TBC1D1: variants seen among roughly 807,000 people sequenced by gnomAD.
TBC1D1 encodes the protein TBC1 (tre-2/USP6, BUB2, cdc16) domain family, member 1.
In TBC1D1, 89 loss-of-function variants were observed where a neutral mutation model predicts 125.6. The ratio of observed to expected loss-of-function variants is 0.71; its 90% CI spans 0.60 to 0.85. TBC1D1 has a LOEUF of 0.85. TBC1D1 is among the 40% of genes least tolerant of loss of function. TBC1D1 has a pLI of 0.00. For missense variants in TBC1D1, 1,377 were observed against 1,469.2 expected (o/e 0.94, Z 1.03); for synonymous variants, 565 against 564.1 (o/e 1.00, Z -0.02).
At chr4:37,944,211 G>T (rs1014998773) in intron 2 of TBC1D1, among the ~76,000 whole-genome samples, 20 of 152,168 alleles carry the variant, frequency 1.3e-4, no homozygotes, top group African/African-American at 4.8e-4. Flanking sequence ...GTCTCAGAGG[G>T]GTACCCAGCC....
chr4:38,048,932 TAAAAC>T (rs1385514117), intron 10 of TBC1D1, among the ~76,000 whole-genome samples: 1 of 152,190 alleles, frequency 6.6e-6, no homozygotes. Context: ...GCATACCTAA[TAAAAC>T]AATAACTTAT....
chr4:38,077,804 G>A (rs1755855768), intron 12 of TBC1D1, among the ~76,000 whole-genome samples: 1 of 152,072 alleles, frequency 6.6e-6, no homozygotes, highest in Non-Finnish European at 1.5e-5. Context: ...TCAAGTGCTG[G>A]CATTGCACTC....
intron 2 of TBC1D1, among the ~76,000 whole-genome samples, chr4:37,961,855 C>G (rs926038241): frequency 5.3e-5 from 8 of 152,220 alleles, no homozygotes; most frequent in African/African-American, 1.9e-4. Context: ...GCTGTCAGAA[C>G]TGACCTCCAA....
chr4:38,134,849 C>T (rs1031245018), intron 19 of TBC1D1, among the ~76,000 whole-genome samples: 4 of 152,178 alleles, frequency 2.6e-5, no homozygotes, highest in Non-Finnish European at 5.9e-5. Flanking sequence ...CTGGAATGGT[C>T]GTTCTCTTGA....
At chr4:38,006,679 C>G (rs527412515) in intron 2 of TBC1D1, 54 of 268,826 alleles carry the variant, frequency 2.0e-4, no homozygotes, top group Admixed American at 6.6e-4. Flanking sequence ...TGGGGTTTCA[C>G]CATGTTAGCC....
chr4:37,976,506 T>C (rs1733106150), intron 2 of TBC1D1, among the ~76,000 whole-genome samples: 1 of 152,240 alleles, frequency 6.6e-6, no homozygotes, highest in Non-Finnish European at 1.5e-5. Flanking sequence ...AATGTCCCAA[T>C]GGTCCTTCAA....
intron 3 of TBC1D1, among the ~76,000 whole-genome samples, chr4:38,015,551 GGTTCCT>G (rs1386209141): frequency 1.3e-5 from 2 of 152,058 alleles, no homozygotes; most frequent in Non-Finnish European, 2.9e-5. Flanking sequence ...AGGTGGGTGG[GGTTCCT>G]GGTTCCATGC....
intron 15 of TBC1D1, 78 bp from the exon 18 acceptor site, chr4:38,115,632 A>G: frequency 6.7e-7 from 1 of 1,488,954 alleles, no homozygotes. Flanking sequence ...GCTTAATCTG[A>G]AGCACATTGG....
chr4:37,897,131 A>G (rs1460735617), intron 1 of TBC1D1, among the ~76,000 whole-genome samples: 1 of 152,200 alleles, frequency 6.6e-6, no homozygotes, highest in Non-Finnish European at 1.5e-5. Flanking sequence ...GGGCTTAAAG[A>G]ATGGTCAAAG....
intron 2 of TBC1D1, chr4:38,006,776 G>A (rs1578240556): frequency 4.1e-6 from 2 of 483,240 alleles, no homozygotes; most frequent in South Asian, 1.5e-5. Flanking sequence ...ACTGCGCCTG[G>A]CCCAACACTA....
intron 18 of TBC1D1, among the ~76,000 whole-genome samples, chr4:38,128,850 AT>A (rs962436668): frequency 6.6e-6 from 1 of 152,228 alleles, no homozygotes; most frequent in Non-Finnish European, 1.5e-5. Flanking sequence ...TTTGGGAATA[AT>A]TAGTAACAAA....
intron 2 of TBC1D1, among the ~76,000 whole-genome samples, chr4:37,962,674 A>G (rs1038602571): frequency 1.3e-5 from 2 of 152,238 alleles, no homozygotes; most frequent in African/African-American, 4.8e-5. Flanking sequence ...AAAGAGGTTT[A>G]GCTATATGGT....
At position 37,977,484 on chromosome 4, in the gene TBC1D1, C is replaced by A; in HGVS notation, c.418-37025C>A. ...GAGCGGGAGCCGGCGGGCGAAGAGC[C>A]GCCGCCCGGCCCGCGATGTCACCAT... On this transcript the variant is annotated intron_variant, in intron 2 of 19. Transcript: ENST00000261439. The surrounding 1 kb of genome is among the most constrained non-coding windows in gnomAD (Gnocchi z 4.3). 1 of 989,116 alleles carries A rather than the reference C, an allele frequency of 1.0e-6. No individual in the cohort carries two copies. Among genetic ancestry groups the A allele is most frequent in the Non-Finnish European group, 1.2e-6 (1 of 827,704 alleles). The allele number at this position is 989,116 out of a possible 1,614,324, so 61.3% of individuals were successfully genotyped here. A position where few individuals can be genotyped will look rare whatever the true frequency, so the allele number is the denominator to read the frequency against.
chr4:37,995,641 AC>A lies in TBC1D1; in HGVS notation c.418-18866del, dbSNP rs1737641032. 2.0e-6 allele frequency: 1 copy of A among 506,788 alleles called. No individual in the cohort carries two copies. Among genetic ancestry groups the A allele is most frequent in the Non-Finnish European group, 3.9e-6 (1 of 253,526 alleles). The allele number at this position is 506,788 out of a possible 1,614,324, so 31.4% of individuals were successfully genotyped here. A position where few individuals can be genotyped will look rare whatever the true frequency, so the allele number is the denominator to read the frequency against. ...ATAGGCTGTCTTATCTCACTTTTGCACCAACGCCTGGTAATCCATTACATGG... is the reference window on the plus strand; with the variant it reads ...ATAGGCTGTCTTATCTCACTTTTGCACAACGCCTGGTAATCCATTACATGG... On this transcript the variant is annotated intron_variant, in intron 2 of 19. Coordinates refer to ENST00000261439, the MANE Select transcript of TBC1D1 (RefSeq NM_015173.4). The surrounding 1 kb of genome is among the most constrained non-coding windows in gnomAD (Gnocchi z 4.3).
intron 12 of TBC1D1, among the ~76,000 whole-genome samples, chr4:38,080,430 C>G (rs1178101559): frequency 6.6e-6 from 1 of 152,196 alleles, no homozygotes; most frequent in Non-Finnish European, 1.5e-5. Context: ...GGATGGTGGC[C>G]TTGCCCAGCA....
intron 10 of TBC1D1, 65 bp downstream of exon 10, chr4:38,045,968 G>A (rs1560683427): frequency 7.3e-7 from 1 of 1,365,932 alleles, no homozygotes; most frequent in East Asian, 2.3e-5. Flanking sequence ...CTCATCTCCT[G>A]TCTACATACC....
chr4:38,047,339 G>C (rs528634661), intron 10 of TBC1D1, among the ~76,000 whole-genome samples: 83 of 152,184 alleles, frequency 5.5e-4, no homozygotes, highest in South Asian at 6.2e-4. Flanking sequence ...TAGGCAGGGT[G>C]GGGGGAGCCC....
rs546377842 is a variant in TBC1D1 at position 37,948,496 on chromosome 4, G to T, written c.417+45984G>T. ...ACGAAAATTTGCTGAGCGTGGTGGCGCATGCCTGTAATCCCAGCTACTCCA... is the reference window on the plus strand; with the variant it reads ...ACGAAAATTTGCTGAGCGTGGTGGCTCATGCCTGTAATCCCAGCTACTCCA... On this transcript the variant is annotated intron_variant, in intron 2 of 19. Transcript: ENST00000261439. Among the ~76,000 whole-genome samples the T allele has an allele frequency of 6.6e-5, 10 of 151,898 alleles. 1 individual carries two copies. The highest frequency in any genetic ancestry group is 6.6e-4 in the Admixed American group (10 of 15,248).
intron 2 of TBC1D1, among the ~76,000 whole-genome samples, chr4:37,961,740 C>T (rs1730104705): frequency 2.0e-5 from 3 of 152,118 alleles, no homozygotes; most frequent in Non-Finnish European, 4.4e-5. Context: ...GTGGTTATGT[C>T]TCTGAACATG....
Sources: allele counts gnomAD v4.1 joint callset (sites outside exome capture counted in the v4.1 genomes callset), GRCh38; gene constraint gnomAD v4.1.1; non-coding constraint Gnocchi (gnomAD v3.1); transcripts MANE v1.5; gene names NCBI Gene and HGNC (gene_info 2026-07-23, HGNC 2026-07-21).